LRRC49: variants seen among roughly 807,000 people sequenced by gnomAD.
LRRC49 encodes leucine rich repeat containing 49, also known as leucine-rich repeat-containing protein 49.
In LRRC49, 50 loss-of-function variants were observed where a neutral mutation model predicts 83.3. The ratio of observed to expected loss-of-function variants is 0.60; its 90% confidence interval spans 0.48 to 0.76. The LOEUF (loss-of-function observed/expected upper bound fraction) is 0.76. Ranked by LOEUF, LRRC49 falls within the 30% of genes least tolerant of loss-of-function variation. The pLI, the probability that LRRC49 is intolerant of heterozygous loss-of-function variation, is 0.00. For synonymous variants in LRRC49, 286 were observed against 283.3 expected (o/e 1.01, Z -0.10); for missense variants, 704 against 809.1 (o/e 0.87, Z 1.58).
chr15:70,928,086 C>T (rs1471627459), intron 7 of LRRC49, among the ~76,000 whole-genome samples: 1 of 152,138 alleles, frequency 6.6e-6, no homozygotes, highest in Non-Finnish European at 1.5e-5. Flanking sequence ...AAACTGTTGT[C>T]TTTGTTGAAA....
chr15:70,960,060 A>G (rs756125801), intron 8 of LRRC49, among the ~76,000 whole-genome samples: 1 of 152,266 alleles, frequency 6.6e-6, no homozygotes, highest in South Asian at 2.1e-4. Flanking sequence ...TTGCTAAATT[A>G]GGATGGAAGC....
chr15:71,031,026 C>G (rs1686501667), intron 14 of LRRC49, among the ~76,000 whole-genome samples: 1 of 152,054 alleles, frequency 6.6e-6, no homozygotes, highest in Admixed American at 6.6e-5. Context: ...ATCTCATTCT[C>G]TGTCCAGATT....
chr15:70,858,822 A>T (rs1203178816), intron 1 of LRRC49: 2 of 805,840 alleles, frequency 2.5e-6, no homozygotes, highest in Non-Finnish European at 4.3e-6. Context: ...AGCACCTGAG[A>T]TTCTCCCGAG....
At chr15:70,881,698 C>A (rs1265469843) in intron 2 of LRRC49, 1 of 152,108 alleles carries the variant, frequency 6.6e-6, no homozygotes, top group African/African-American at 2.4e-5. Context: ...ATACCTAACA[C>A]CTGCAATGGG....
chr15:70,863,224 T>G (rs929260751), intron 1 of LRRC49, among the ~76,000 whole-genome samples: 1 of 152,198 alleles, frequency 6.6e-6, no homozygotes, highest in South Asian at 2.1e-4. Context: ...GCATCTTCAC[T>G]CCAGATCAAA....
chr15:70,958,980 A>C (rs988250298), intron 8 of LRRC49, among the ~76,000 whole-genome samples: 1 of 152,150 alleles, frequency 6.6e-6, no homozygotes, highest in South Asian at 2.1e-4. Flanking sequence ...TGAATATTCT[A>C]TATCATCTAG....
At chr15:70,963,654 A>G (rs935024013) in intron 8 of LRRC49, 131 bp from the exon 9 acceptor site, 65 of 904,680 alleles carry the variant, frequency 7.2e-5, no homozygotes, top group Middle Eastern at 3.5e-4. Flanking sequence ...GGTATGGGGT[A>G]TAGGGGAACT....
At chr15:70,917,201 T>G (rs1161966530) in intron 6 of LRRC49, among the ~76,000 whole-genome samples, 1 of 152,148 alleles carries the variant, frequency 6.6e-6, no homozygotes, top group Non-Finnish European at 1.5e-5. Context: ...CCCTTCATAC[T>G]TATAGCCTGG....
chr15:71,018,421 C>CCTA (rs1233614243), intron 14 of LRRC49, among the ~76,000 whole-genome samples: 1 of 152,056 alleles, frequency 6.6e-6, no homozygotes, highest in African/African-American at 2.4e-5. Flanking sequence ...TTTACCATTT[C>CCTA]TTGAGTTAAA....
chr15:71,020,551 G>T (rs1387233647), intron 14 of LRRC49, among the ~76,000 whole-genome samples: 2 of 152,094 alleles, frequency 1.3e-5, no homozygotes, highest in Non-Finnish European at 2.9e-5. Context: ...TAAATATAAG[G>T]TGAAAAAATT....
intron 8 of LRRC49, 36 bp from the exon 9 acceptor site, chr15:70,963,749 C>T (rs755439691): frequency 3.8e-6 from 6 of 1,596,130 alleles, no homozygotes; most frequent in Non-Finnish European, 5.1e-6. Context: ...ATCTTAAGGC[C>T]TCAGAATAAT....
intron 14 of LRRC49, among the ~76,000 whole-genome samples, chr15:71,029,713 A>G (rs1261233588): frequency 1.3e-5 from 2 of 152,084 alleles, no homozygotes; most frequent in African/African-American, 2.4e-5. Context: ...CCCGTATTAG[A>G]CGCATATATA....
At chr15:70,980,720 CTT>C (rs2037369665) in intron 10 of LRRC49, among the ~76,000 whole-genome samples, 1 of 151,898 alleles carries the variant, frequency 6.6e-6, no homozygotes, top group Admixed American at 6.6e-5. Context: ...AAAATATTCT[CTT>C]TTAAATATTT....
At chr15:70,964,538 G>A (rs1467050746) in intron 9 of LRRC49, among the ~76,000 whole-genome samples, 7 of 152,046 alleles carry the variant, frequency 4.6e-5, no homozygotes, top group African/African-American at 9.6e-5. Context: ...TTTATTCATC[G>A]TATCTCCATG....
intron 14 of LRRC49, among the ~76,000 whole-genome samples, chr15:71,018,382 T>G (rs1383606541): frequency 6.6e-6 from 1 of 152,214 alleles, no homozygotes. Context: ...ATTGAACTTC[T>G]ATTTCTGACA....
At chr15:71,012,120 T>C (rs1446398525) in intron 13 of LRRC49, among the ~76,000 whole-genome samples, 1 of 152,106 alleles carries the variant, frequency 6.6e-6, no homozygotes, top group Non-Finnish European at 1.5e-5. Context: ...GATCATTGAA[T>C]TATATATAGA....
At position 70,919,198 on chromosome 15, in the gene LRRC49, G is replaced by A; in HGVS notation, c.711+5G>A. ...CACAATCAAATCACTTTCGTGGTGAGTATTAAAATGGAGTTGATATGTACT... is the reference window on the plus strand; with the variant it reads ...CACAATCAAATCACTTTCGTGGTGAATATTAAAATGGAGTTGATATGTACT... On this transcript the variant is annotated splice_donor_5th_base_variant and intron_variant, in intron 7 of 15. Coordinates refer to ENST00000260382, the MANE Select transcript of LRRC49 (RefSeq NM_017691.5). The A allele has an allele frequency of 3.1e-6, 5 of 1,604,600 alleles. No homozygotes were observed. Among genetic ancestry groups the A allele is most frequent in the Non-Finnish European group, 3.4e-6 (4 of 1,176,140 alleles).
At chr15:70,958,003 A>G (rs971841129) in intron 8 of LRRC49, among the ~76,000 whole-genome samples, 8 of 152,226 alleles carry the variant, frequency 5.3e-5, no homozygotes, top group Non-Finnish European at 1.2e-4. Flanking sequence ...TTGACAGAGT[A>G]TGTACCCTTG....
intron 4 of LRRC49, among the ~76,000 whole-genome samples, chr15:70,903,498 A>T (rs2034171356): frequency 6.6e-6 from 1 of 152,124 alleles, no homozygotes; most frequent in Non-Finnish European, 1.5e-5. Context: ...TTTGTTAGCC[A>T]TTAACATTCA....
Sources: gnomAD v4.1 joint callset for allele counts (sites outside exome capture counted in the v4.1 genomes callset) on GRCh38, gnomAD v4.1.1 for gene constraint, MANE v1.5 for transcripts, NCBI Gene and HGNC (gene_info 2026-07-23, HGNC 2026-07-21) for gene names.